Variants in LRP5 observed in about 807,000 individuals in gnomAD.
LRP5 encodes the protein LDL receptor related protein 5.
A neutral mutation model predicts 154.1 loss-of-function variants in LRP5; 62 were observed. The observed-to-expected ratio is 0.40, with a 90% CI of 0.33 to 0.50. LRP5 has a LOEUF of 0.50. Among genes scored for constraint, LRP5 ranks in the 20% least tolerant of loss-of-function variants. The pLI is 0.55. For missense variants in LRP5, 1,915 were observed against 2,336.7 expected, an observed-to-expected ratio of 0.82 and a Z score of 3.72; for synonymous variants, 966 against 1,011.5, an observed-to-expected ratio of 0.96 and a Z score of 0.85.
At chr11:68,312,191 G>A (rs1186546109), upstream of LRP5, among the ~76,000 whole-genome samples, 1 of 152,188 alleles carries the variant, frequency 6.6e-6, no homozygotes, top group East Asian at 1.9e-4. Flanking sequence ...GCCCTCCACA[G>A]GTGAGAACAA....
chr11:68,443,585 ATTTT>A (rs1219762322), intron 21 of LRP5, among the ~76,000 whole-genome samples: 2,564 of 24,280 alleles, frequency 0.11, 130 homozygotes, highest in Middle Eastern at 0.25. Context: ...ATATATATAT[ATTTT>A]TTTTTTTTTT....
At chr11:68,434,337 CCTGT>C (rs2098673660) in intron 18 of LRP5, among the ~76,000 whole-genome samples, 2 of 148,790 alleles carry the variant, frequency 1.3e-5, no homozygotes, top group Admixed American at 1.4e-4. Flanking sequence ...TTCTGTGCCC[CCTGT>C]GAGTTTTCTT....
At chr11:68,416,013 C>G (rs2098662323) in intron 12 of LRP5, among the ~76,000 whole-genome samples, 1 of 151,766 alleles carries the variant, frequency 6.6e-6, no homozygotes, top group Non-Finnish European at 1.5e-5. Flanking sequence ...CCAGATAGCA[C>G]CACTGCAGTC....
At chr11:68,320,077 A>G (rs561836739) in intron 1 of LRP5, among the ~76,000 whole-genome samples, 11 of 152,174 alleles carry the variant, frequency 7.2e-5, no homozygotes, top group South Asian at 2.1e-4. Context: ...GGGAAAATCT[A>G]TTGAGCTCAG....
intron 5 of LRP5, among the ~76,000 whole-genome samples, chr11:68,366,214 C>T (rs1481156830): frequency 6.6e-6 from 1 of 152,158 alleles, no homozygotes; most frequent in Non-Finnish European, 1.5e-5. Context: ...AAAGCGCCAT[C>T]CCTGGGACCA....
chr11:68,405,921 G>C (rs1010223816), intron 8 of LRP5, among the ~76,000 whole-genome samples: 2 of 152,250 alleles, frequency 1.3e-5, no homozygotes, highest in Non-Finnish European at 2.9e-5. Context: ...CCTGGTCCCT[G>C]CCCTGAGGCG....
At chr11:68,383,682 A>G (rs531179867) in intron 5 of LRP5, among the ~76,000 whole-genome samples, 1 of 152,230 alleles carries the variant, frequency 6.6e-6, no homozygotes, top group Admixed American at 6.5e-5. Flanking sequence ...GGCTGTGGAG[A>G]GCAGGGGGCT....
Position 68,413,262 on chromosome 11 carries a change from T to C in LRP5, c.2504-427T>C. 6.8e-6 allele frequency: 2 copies of C among 294,218 alleles called. No homozygotes were observed. Among genetic ancestry groups the C allele is most frequent in the Non-Finnish European group, 1.3e-5 (2 of 153,710 alleles). 18.2% of individuals were successfully genotyped at this position (294,218 alleles called of 1,614,324 possible). A position where few individuals can be genotyped will look rare whatever the true frequency, so the allele number is the denominator to read the frequency against. On this transcript the variant is annotated intron_variant, in intron 11 of 22. Coordinates refer to ENST00000294304, the MANE Select transcript of LRP5 (RefSeq NM_002335.4). This position sits in a 1 kb window ranked among gnomAD's most constrained non-coding sequence, Gnocchi z 5.1. ...CTGGAAACTCATGTGACCCTGCCAA[T>C]GAGGGCGGCCATGTGCATTGCAGCC...
Position 68,398,322 on chromosome 11 carries a change from C to G in LRP5, c.1585-5161C>G, listed in dbSNP as rs538271022. 2.0e-5 allele frequency among the ~76,000 whole-genome samples: 3 copies of G among 152,176 alleles called. No homozygotes were observed. The East Asian group carries it at 5.8e-4, about 29-fold the overall frequency. ...TAGGGTGGGCTGCTTTGGGATCTCC[C>G]GTCATTCCCTCCCAGCTGGCAGCCG... On this transcript the variant is annotated intron_variant, in intron 7 of 22. Transcript: ENST00000294304.
At chr11:68,361,374 C>T (rs556101333) in intron 3 of LRP5, among the ~76,000 whole-genome samples, 59 of 151,276 alleles carry the variant, frequency 3.9e-4, no homozygotes, top group Middle Eastern at 3.4e-3. Context: ...TGGTGGCTCA[C>T]GCCTGTAATC....
chr11:68,354,356 C>T (rs758180802), intron 2 of LRP5, among the ~76,000 whole-genome samples: 4 of 152,192 alleles, frequency 2.6e-5, no homozygotes, highest in African/African-American at 4.8e-5. Flanking sequence ...TTATGAAACT[C>T]GGGGAAGGAA....
chr11:68,347,749 G>A, intron 1 of LRP5, 98 bp from the exon 2 acceptor site: 1 of 1,419,542 alleles, frequency 7.0e-7, no homozygotes, highest in Middle Eastern at 1.8e-4. Flanking sequence ...GCATGGGCAG[G>A]GCAGTACCAG....
In LRP5 at chr11:68,390,120, G is replaced by A. The variant is rs543363877; in HGVS notation, c.1584+68G>A. ...AGCCACCCCCTGCAGCCAGATGTAC[G>A]TATTGGCGAGGCACCGATGGGTGCC... On this transcript the variant is annotated intron_variant, in intron 7 of 22. Transcript: ENST00000294304. The A allele has an allele frequency of 1.1e-4, 172 of 1,575,242 alleles. No homozygotes were observed. The African/African-American group carries it at 1.1e-3, about 10-fold the overall frequency.
At chr11:68,440,595 C>G (rs2098677675) in intron 21 of LRP5, among the ~76,000 whole-genome samples, 1 of 152,134 alleles carries the variant, frequency 6.6e-6, no homozygotes, top group Non-Finnish European at 1.5e-5. Flanking sequence ...CGGGGGCTGA[C>G]TTGACATGCT....
chr11:68,425,906 T>A, intron 15 of LRP5, 72 bp from the exon 16 acceptor site: 1 of 1,351,052 alleles, frequency 7.4e-7, no homozygotes, highest in Non-Finnish European at 1.0e-6. Flanking sequence ...TCAACCTCTG[T>A]CCTCCCAAGC....
At position 68,403,525 on chromosome 11, in the gene LRP5, G is replaced by A. The variant is rs566952681; in HGVS notation, c.1627G>A (p.Asp543Asn). ...GACGAAGAGGCGGACCCTCCTGGAG[G>A]ACAAGCTCCCGCACATTTTTGGGTT... ...DGTKRRTLLE[D>N]KLPHIFGFTL... The change falls in exon 8 of 23, where the codon GAC becomes AAC. Residue 543 changes from aspartate to asparagine, a missense_variant. Physicochemically the swap from Asp to Asn is conservative, Grantham distance 23. This residue lies in a region of LRP5 where 773 missense variants were observed against 1,100.9 expected (regional missense o/e 0.70). Transcript: ENST00000294304. The A allele has an allele frequency of 1.1e-5, 17 of 1,614,190 alleles. 1 individual carries two copies. In the South Asian group the frequency reaches 1.8e-4, roughly 17 times the overall value.
chr11:68,411,408 G>C (rs779750473), intron 10 of LRP5, 28 bp from the exon 11 acceptor site: 8 of 1,606,618 alleles, frequency 5.0e-6, no homozygotes, highest in Non-Finnish European at 6.8e-6. Context: ...GACTCACTGA[G>C]CCTGCCCTTC....
Position 68,438,552 on chromosome 11 carries a change from G to A in LRP5, c.4218G>A (p.Val1406=), listed in dbSNP as rs926999369. 1.9e-6 allele frequency: 3 copies of A among 1,614,070 alleles called. No individual in the cohort carries two copies. Among genetic ancestry groups the A allele is most frequent in the Admixed American group, 3.3e-5 (2 of 60,014 alleles). The part of the protein sequence containing the change: ...SLFVMGGVYF[V]CQRVVCQRYA... ...TCGTCATGGGTGGTGTCTATTTTGT[G>A]TGCCAGCGCGTGGTGTGCCAGCGCT... is the stretch of plus-strand genomic sequence containing the variant. Residue 1406 remains valine (V), a synonymous_variant, in exon 20 of 23, where the codon GTG becomes GTA. Transcript: ENST00000294304.
Position 68,365,767 on chromosome 11 carries a change from C to T in LRP5, c.1015+65C>T, listed in dbSNP as rs891985741. On this transcript the variant is annotated intron_variant, in intron 5 of 22. Transcript: ENST00000294304. ...GGGCCTGGCGGGAATGGGTTGCGGCCGCCGGGGGTGCCCCAGAAGGAACCT... is the reference window on the plus strand; with the variant it reads ...GGGCCTGGCGGGAATGGGTTGCGGCTGCCGGGGGTGCCCCAGAAGGAACCT... 280 of 1,436,814 alleles carry T rather than the reference C, an allele frequency of 1.9e-4. 2 individuals are homozygous for T. Among genetic ancestry groups the T allele is most frequent in the South Asian group, 1.3e-3 (95 of 72,944 alleles). The allele number at this position is 1,436,814 out of a possible 1,614,324, so 89.0% of individuals were successfully genotyped here. A position where few individuals can be genotyped will look rare whatever the true frequency, so the allele number is the denominator to read the frequency against.
Sources: allele counts gnomAD v4.1 joint callset (sites outside exome capture counted in the v4.1 genomes callset), GRCh38; gene constraint gnomAD v4.1.1; regional missense constraint gnomAD v4.1.1; non-coding constraint Gnocchi (gnomAD v3.1); transcripts MANE v1.5; gene names NCBI Gene and HGNC (gene_info 2026-07-23, HGNC 2026-07-21).